CPNE4: variants seen among roughly 807,000 people sequenced by gnomAD.
CPNE4 encodes the protein copine-4.
In CPNE4, 25 loss-of-function variants were observed where a neutral mutation model predicts 67.9. That is an observed-to-expected ratio of 0.37 (90% CI 0.27 to 0.51). The LOEUF (loss-of-function observed/expected upper bound fraction) is 0.51, where lower values mean the gene tolerates loss of function less well. Among genes scored for constraint, CPNE4 ranks in the 20% least tolerant of loss-of-function variants. The probability of loss-of-function intolerance (pLI) is 0.93; values close to 1 mark genes in which losing one functional copy is unlikely to be tolerated. For missense variants in CPNE4, 464 were observed against 690.8 expected (o/e 0.67, Z 3.68); for synonymous variants, 242 against 244.9 (o/e 0.99, Z 0.11).
At chr3:131,689,550 G>A (rs928873339) in intron 5 of CPNE4, among the ~76,000 whole-genome samples, 8 of 99,020 alleles carry the variant, frequency 8.1e-5, no homozygotes, top group South Asian at 8.0e-4. Flanking sequence ...AGGAACATAC[G>A]TGAAAATAAT....
At chr3:131,611,210 AATT>A (rs1939821145) in intron 7 of CPNE4, among the ~76,000 whole-genome samples, 1 of 152,184 alleles carries the variant, frequency 6.6e-6, no homozygotes, top group Non-Finnish European at 1.5e-5. Flanking sequence ...TATTGATATA[AATT>A]ATCCTTGATG....
rs193171706 is a variant in CPNE4 at position 131,961,146 on chromosome 3, C to T, written c.-1-55702G>A. On this transcript the variant is annotated intron_variant, in intron 1 of 15. Transcript: ENST00000429747. ...TCCAGGGCATTTTTCTCCACGTGAA[C>T]ATACTTTTGTAGAGAAAGTTAAAAA... Among the ~76,000 whole-genome samples, 429 of 152,324 alleles carry T rather than the reference C, an allele frequency of 2.8e-3. 13 individuals carry two copies. Among genetic ancestry groups the T allele is most frequent in the Admixed American group, 0.025 (381 of 15,310 alleles).
chr3:131,767,377 G>C (rs2083047915), intron 2 of CPNE4, among the ~76,000 whole-genome samples: 1 of 151,984 alleles, frequency 6.6e-6, no homozygotes, highest in Non-Finnish European at 1.5e-5. Flanking sequence ...TTTAGAGGTG[G>C]CCCTTTACAG....
intron 6 of CPNE4, among the ~76,000 whole-genome samples, chr3:131,676,691 T>C (rs140813787): frequency 1.3e-5 from 2 of 152,138 alleles, no homozygotes; most frequent in African/African-American, 4.8e-5. Context: ...GCTCCATCCA[T>C]GTCCTTGCAA....
intron 2 of CPNE4, among the ~76,000 whole-genome samples, chr3:131,822,989 C>A (rs1481807269): frequency 6.6e-6 from 1 of 152,094 alleles, no homozygotes; most frequent in African/African-American, 2.4e-5. Flanking sequence ...CAGGCATGTG[C>A]CACCACACCC....
At chr3:131,555,053 C>A (rs535357906) in intron 12 of CPNE4, among the ~76,000 whole-genome samples, 5 of 152,190 alleles carry the variant, frequency 3.3e-5, no homozygotes, top group Admixed American at 2.0e-4. Context: ...TTCTTCAAAA[C>A]TTCTCTGTGT....
chr3:131,723,675 T>C, intron 2 of CPNE4, 50 bp from the exon 3 acceptor site: 1 of 1,506,744 alleles, frequency 6.6e-7, no homozygotes. Context: ...ATTTTTATTA[T>C]TACCGTTCAA....
At chr3:131,997,035 T>C (rs759687441) in intron 1 of CPNE4, among the ~76,000 whole-genome samples, 2 of 151,996 alleles carry the variant, frequency 1.3e-5, no homozygotes, top group African/African-American at 2.4e-5. Context: ...TGCTAGCACT[T>C]GCATTATTAC....
rs545105627 is a variant in CPNE4, at chr3:131,927,521, T to A, written c.-1-22077A>T. Among the ~76,000 whole-genome samples the A allele has an allele frequency of 2.7e-4, 41 of 152,292 alleles. 1 individual carries two copies. Among genetic ancestry groups the A allele is most frequent in the Admixed American group, 3.3e-4 (5 of 15,286 alleles). On this transcript the variant is annotated intron_variant, in intron 1 of 15. Coordinates refer to ENST00000429747, the MANE Select transcript of CPNE4 (RefSeq NM_130808.3). ...TGCAGAGTTATTTATCTGATCCTAC[T>A]CCAGACTGGGTGCTCTTGGAGGTCA...
intron 1 of CPNE4, among the ~76,000 whole-genome samples, chr3:132,025,314 G>C (rs936734027): frequency 1.3e-5 from 2 of 152,164 alleles, no homozygotes; most frequent in Admixed American, 1.3e-4. Context: ...TTGTATTCTG[G>C]TTGTGTTCCT....
At chr3:131,637,252 C>A (rs930563323) in intron 7 of CPNE4, among the ~76,000 whole-genome samples, 1 of 151,716 alleles carries the variant, frequency 6.6e-6, no homozygotes, top group East Asian at 1.9e-4. Context: ...CAAGGAGGCA[C>A]CAGAGAAAGG....
At chr3:131,585,020 A>T (rs1459367303) in intron 8 of CPNE4, among the ~76,000 whole-genome samples, 1 of 152,094 alleles carries the variant, frequency 6.6e-6, no homozygotes, top group Non-Finnish European at 1.5e-5. Context: ...GTCCTCAATC[A>T]CACCAAGCTC....
Position 131,549,954 on chromosome 3 carries a change from T to A in CPNE4, c.1295A>T (p.Glu432Val). Reference protein sequence around the residue: ...KSASEETNTKEASQYFILLIL... With the variant: ...KSASEETNTKVASQYFILLIL... ...AAATAGCCCCCTCCTTACCGATGCC[T>A]CCTTGGTGTTAGTTTCCTCTGACGC... Residue 432 changes from glutamate to valine, a missense_variant, in exon 14 of 16, where the codon GAG becomes GTG. Transcript: ENST00000429747. 1 of 1,613,026 alleles carries A rather than the reference T, an allele frequency of 6.2e-7. No homozygotes were observed. Among genetic ancestry groups the A allele is most frequent in the Non-Finnish European group, 8.5e-7 (1 of 1,179,310 alleles).
Position 131,587,510 on chromosome 3 carries a change from T to A in CPNE4, c.754A>T (p.Met252Leu). The A allele has an allele frequency of 6.2e-7, 1 of 1,613,824 alleles. No homozygotes were observed. Among genetic ancestry groups the A allele is most frequent in the South Asian group, 1.1e-5 (1 of 91,076 alleles). ...TGTTTCCCTTCCATTGCTCCTCTCA[T>A]CTCCTTGAATGTCGAGGTGAATTCT... ...IGEFTSTFKE[M>L]RGAMEGKQVQ... The change falls in exon 8 of 16, where the codon ATG (methionine) becomes TTG (leucine). Residue 252 changes from methionine to leucine, a missense_variant. Coordinates refer to ENST00000429747, the MANE Select transcript of CPNE4 (RefSeq NM_130808.3).
At chr3:131,675,761 CTA>C (rs61562663) in intron 6 of CPNE4, among the ~76,000 whole-genome samples, 60,966 of 151,122 alleles carry the variant, frequency 0.4, 13,511 homozygotes, top group Middle Eastern at 0.53. Flanking sequence ...TTCGGCAACC[CTA>C]TGTCTTTTTA....
At chr3:131,792,619 GTA>G (rs1163869780) in intron 2 of CPNE4, among the ~76,000 whole-genome samples, 20 of 56,988 alleles carry the variant, frequency 3.5e-4, no homozygotes, top group Admixed American at 1.6e-3. Context: ...GTGTATATAT[GTA>G]TATATATATA....
chr3:131,914,921 A>G (rs1287498211), intron 1 of CPNE4, among the ~76,000 whole-genome samples: 1 of 152,236 alleles, frequency 6.6e-6, no homozygotes, highest in Non-Finnish European at 1.5e-5. Context: ...GTTTGCAGTG[A>G]GCCGAGATTG....
chr3:131,613,924 C>A (rs1939994396), intron 7 of CPNE4, among the ~76,000 whole-genome samples: 1 of 152,040 alleles, frequency 6.6e-6, no homozygotes, highest in Admixed American at 6.6e-5. Context: ...AAAGGGGTAC[C>A]AAAGAACAGT....
chr3:131,734,254 C>G lies in CPNE4; in HGVS notation c.181-10629G>C, dbSNP rs571693395. On this transcript the variant is annotated intron_variant, in intron 2 of 15. Coordinates refer to ENST00000429747, the MANE Select transcript of CPNE4 (RefSeq NM_130808.3). ...TTGTTGTAAATCAGGAGGCAGTCAC[C>G]CCTCCATAACACTTTGCTCTTACCA... Among the ~76,000 whole-genome samples the G allele has an allele frequency of 2.6e-5, 4 of 152,246 alleles. No individual in the cohort carries two copies. In the South Asian group the frequency reaches 8.3e-4, roughly 32 times the overall value.
Sources: allele counts gnomAD v4.1 joint callset (sites outside exome capture counted in the v4.1 genomes callset), GRCh38; gene constraint gnomAD v4.1.1; transcripts MANE v1.5; gene names NCBI Gene and HGNC (gene_info 2026-07-23, HGNC 2026-07-21).